Variants in NTM observed in about 807,000 individuals in gnomAD.
NTM encodes neurotrimin.
Under a neutral mutation model 42.1 loss-of-function variants are expected in NTM, and 13 were observed. That is an observed-to-expected ratio of 0.31 (90% CI 0.20 to 0.49). The LOEUF is 0.49. Ranked by LOEUF, NTM falls within the 20% of genes least tolerant of loss-of-function variation. NTM has a pLI of 0.99. For missense variants in NTM, 373 were observed against 452.8 expected, an observed-to-expected ratio of 0.82 and a Z score of 1.60; for synonymous variants, 187 against 179.2, an observed-to-expected ratio of 1.04 and a Z score of -0.35.
intron 2 of NTM, among the ~76,000 whole-genome samples, chr11:131,940,112 A>G (rs2059638067): frequency 3.3e-5 from 5 of 152,338 alleles, no homozygotes; most frequent in Admixed American, 2.0e-4. Flanking sequence ...TTTTAGTCTC[A>G]CTGAAGATGA....
At chr11:131,543,021 C>T (rs886801066) in intron 1 of NTM, among the ~76,000 whole-genome samples, 2 of 152,164 alleles carry the variant, frequency 1.3e-5, no homozygotes, top group African/African-American at 4.8e-5. Context: ...GCCTTCCTTG[C>T]CCACATGGTT....
intron 1 of NTM, among the ~76,000 whole-genome samples, chr11:131,404,514 T>C (rs540948660): frequency 6.6e-6 from 1 of 152,332 alleles, no homozygotes; most frequent in South Asian, 2.1e-4. Context: ...CCGGGAGATC[T>C]CATCCAGTCC....
At chr11:131,529,805 A>G (rs2136656693) in intron 1 of NTM, among the ~76,000 whole-genome samples, 1 of 152,314 alleles carries the variant, frequency 6.6e-6, no homozygotes, top group African/African-American at 2.4e-5. Flanking sequence ...GCAAATAGGC[A>G]TAATCACTAC....
chr11:132,316,561 T>A (rs2095434998), intron 7 of NTM, among the ~76,000 whole-genome samples: 1 of 152,166 alleles, frequency 6.6e-6, no homozygotes, highest in Non-Finnish European at 1.5e-5. Flanking sequence ...CATGTGGGGA[T>A]GTTCTTTAAT....
intron 7 of NTM, among the ~76,000 whole-genome samples, chr11:132,323,464 A>G (rs1416784254): frequency 1.3e-5 from 2 of 151,530 alleles, no homozygotes; most frequent in Non-Finnish European, 2.9e-5. Context: ...CACTCTCCCA[A>G]GACTAAACCA....
At chr11:132,011,617 T>C (rs1374591811) in intron 2 of NTM, among the ~76,000 whole-genome samples, 1 of 152,224 alleles carries the variant, frequency 6.6e-6, no homozygotes, top group African/African-American at 2.4e-5. Context: ...TTAATTCTTA[T>C]AACAATTCTA....
chr11:131,755,519 A>G (rs1297000107), intron 1 of NTM, among the ~76,000 whole-genome samples: 1 of 152,234 alleles, frequency 6.6e-6, no homozygotes, highest in Non-Finnish European at 1.5e-5. Flanking sequence ...TAGTTTTAGT[A>G]TAAGTATGTC....
intron 1 of NTM, among the ~76,000 whole-genome samples, chr11:131,852,768 C>A (rs1242506793): frequency 1.3e-5 from 2 of 152,090 alleles, no homozygotes; most frequent in Non-Finnish European, 2.9e-5. Context: ...TCCAACTATT[C>A]ATCTACTCAT....
chr11:131,425,030 C>T (rs887889897), intron 1 of NTM, among the ~76,000 whole-genome samples: 2 of 151,878 alleles, frequency 1.3e-5, no homozygotes, highest in Non-Finnish European at 1.5e-5. Flanking sequence ...CAGGCACCTG[C>T]CACCATGCCT....
intron 4 of NTM, among the ~76,000 whole-genome samples, chr11:132,265,201 T>C (rs977662212): frequency 6.6e-6 from 1 of 152,192 alleles, no homozygotes; most frequent in African/African-American, 2.4e-5. Context: ...GTTCTGTGAA[T>C]GAAATGGGAT....
intron 1 of NTM, among the ~76,000 whole-genome samples, chr11:131,848,714 A>T (rs2045206335): frequency 1.3e-5 from 2 of 152,178 alleles, no homozygotes; most frequent in Non-Finnish European, 2.9e-5. Context: ...CTTGGTTCTC[A>T]TTCCAACTCT....
chr11:131,868,539 G>A (rs982207891), intron 1 of NTM, among the ~76,000 whole-genome samples: 1 of 152,184 alleles, frequency 6.6e-6, no homozygotes, highest in Non-Finnish European at 1.5e-5. Context: ...CCCGGCTGTA[G>A]CCTGGCTCCA....
intron 7 of NTM, among the ~76,000 whole-genome samples, chr11:132,325,773 T>G (rs1262880265): frequency 1.3e-5 from 2 of 152,082 alleles, no homozygotes; most frequent in Non-Finnish European, 2.9e-5. Context: ...AACCTAAATT[T>G]CCAACAACAA....
intron 4 of NTM, among the ~76,000 whole-genome samples, chr11:132,279,150 T>G (rs1222438910): frequency 6.6e-6 from 1 of 152,236 alleles, no homozygotes; most frequent in African/African-American, 2.4e-5. Flanking sequence ...TTATTTTAGA[T>G]GCCTTCTTTT....
chr11:132,117,750 G>A (rs1464858259), intron 2 of NTM, among the ~76,000 whole-genome samples: 1 of 152,114 alleles, frequency 6.6e-6, no homozygotes, highest in Non-Finnish European at 1.5e-5. Flanking sequence ...TGAGAACAGG[G>A]GCTTAGCACT....
chr11:131,560,143 C>G (rs2056032630), intron 1 of NTM, among the ~76,000 whole-genome samples: 1 of 152,186 alleles, frequency 6.6e-6, no homozygotes, highest in Admixed American at 6.5e-5. Flanking sequence ...AGTTTTGAAC[C>G]AATCCTGTGA....
At chr11:132,181,337 A>G (rs1470852616) in intron 3 of NTM, among the ~76,000 whole-genome samples, 1 of 152,198 alleles carries the variant, frequency 6.6e-6, no homozygotes, top group Non-Finnish European at 1.5e-5. Flanking sequence ...TGGCATCAGC[A>G]TGAAGATTAT....
chr11:131,547,943 C>G (rs770424182), intron 1 of NTM, among the ~76,000 whole-genome samples: 4 of 152,034 alleles, frequency 2.6e-5, no homozygotes, highest in Non-Finnish European at 5.9e-5. Flanking sequence ...AGGAGGCGTC[C>G]GAATAAGATT....
At chr11:131,773,425 T>C (rs189062630) in intron 1 of NTM, among the ~76,000 whole-genome samples, 1 of 152,380 alleles carries the variant, frequency 6.6e-6, no homozygotes, top group Admixed American at 6.5e-5. Flanking sequence ...ATACTTACAT[T>C]TCTTTTTCCT....
Sources: gnomAD v4.1 joint callset for allele counts (sites outside exome capture counted in the v4.1 genomes callset) on GRCh38, gnomAD v4.1.1 for gene constraint, MANE v1.5 for transcripts, NCBI Gene and HGNC (gene_info 2026-07-23, HGNC 2026-07-21) for gene names.